The following CDH12 variants were observed in gnomAD, a reference collection of about 807,000 sequenced individuals.
CDH12 encodes cadherin-12.
Under a neutral mutation model 74.1 loss-of-function variants are expected in CDH12, and 41 were observed. That is an observed-to-expected ratio of 0.55 (90% CI 0.43 to 0.72). CDH12 has a LOEUF of 0.72. CDH12 is among the 30% of genes least tolerant of loss of function. The pLI, the probability that CDH12 is intolerant of heterozygous loss-of-function variation, is 0.00. For missense variants in CDH12, 945 were observed against 977.2 expected (o/e 0.97, Z 0.44); for synonymous variants, 399 against 355.0 (o/e 1.12, Z -1.39).
intron 2 of CDH12, among the ~76,000 whole-genome samples, chr5:22,473,290 A>T (rs1236451767): frequency 6.6e-6 from 1 of 152,082 alleles, no homozygotes; most frequent in Non-Finnish European, 1.5e-5. Context: ...ACTTACACTG[A>T]CTTATATTCT....
In CDH12 at chr5:22,380,945, C is replaced by T. The variant is rs756425995; in HGVS notation, c.-333+24312G>A. On this transcript the variant is annotated intron_variant, in intron 3 of 14. Transcript: ENST00000382254. Reference sequence around the variant, plus strand: ...TTTCAGCACAATAAATATATGTATACACCATGTAGATGAGATTCAAGAAAT... The same window carrying T: ...TTTCAGCACAATAAATATATGTATATACCATGTAGATGAGATTCAAGAAAT... Among the ~76,000 whole-genome samples, 17 of 152,124 alleles carry T rather than the reference C, an allele frequency of 1.1e-4. No homozygotes were observed. In the Middle Eastern group the frequency reaches 0.017, roughly 152 times the overall value.
rs537974778 is a variant in CDH12, at chr5:22,603,080, C to T, written c.-522-97716G>A. Among the ~76,000 whole-genome samples, 4 of 152,136 alleles carry T rather than the reference C, an allele frequency of 2.6e-5. No individual in the cohort carries two copies. The South Asian group carries it at 8.3e-4, about 32-fold the overall frequency. On this transcript the variant is annotated intron_variant, in intron 1 of 14. Coordinates refer to ENST00000382254, the MANE Select transcript of CDH12 (RefSeq NM_004061.5). ...TGACTAGATGAATATTCTGTCTGCC[C>T]ATGAATTAAAGGATTATAGATCATC...
At chr5:22,531,598 A>T (rs1737585255) in intron 1 of CDH12, among the ~76,000 whole-genome samples, 1 of 152,182 alleles carries the variant, frequency 6.6e-6, no homozygotes, top group Non-Finnish European at 1.5e-5. Context: ...AATGTATAAC[A>T]TATTATGCAG....
chr5:22,556,920 G>A (rs1239444324), intron 1 of CDH12, among the ~76,000 whole-genome samples: 1 of 151,956 alleles, frequency 6.6e-6, no homozygotes, highest in East Asian at 1.9e-4. Flanking sequence ...AATCTCTGTT[G>A]GAAGGTTGGA....
At chr5:22,189,614 C>T (rs1041403893) in intron 4 of CDH12, among the ~76,000 whole-genome samples, 29 of 151,878 alleles carry the variant, frequency 1.9e-4, no homozygotes, top group Non-Finnish European at 3.2e-4. Context: ...ATCAAGGAAA[C>T]GAAAGGAGCC....
chr5:22,137,412 C>G (rs1196577755), intron 4 of CDH12, among the ~76,000 whole-genome samples: 2 of 152,004 alleles, frequency 1.3e-5, no homozygotes, highest in South Asian at 2.1e-4. Context: ...CTCTCCCTCT[C>G]TCTGGATGCT....
intron 5 of CDH12, among the ~76,000 whole-genome samples, chr5:21,982,112 C>T (rs879636966): frequency 4.6e-5 from 7 of 152,220 alleles, no homozygotes; most frequent in East Asian, 1.9e-4. Context: ...GTATTTAAAT[C>T]GGTAGGCTGA....
chr5:22,532,350 G>T (rs74576850), intron 1 of CDH12, among the ~76,000 whole-genome samples: 4 of 27,556 alleles, frequency 1.5e-4, no homozygotes, highest in Admixed American at 6.6e-4. Flanking sequence ...ATATAAATAG[G>T]ATATATATAT....
intron 1 of CDH12, among the ~76,000 whole-genome samples, chr5:22,779,544 C>T (rs1228935167): frequency 6.6e-6 from 1 of 152,150 alleles, no homozygotes; most frequent in East Asian, 1.9e-4. Flanking sequence ...AACCAAATCT[C>T]ATCTAGAAAT....
chr5:22,836,761 C>T (rs1395373936), intron 1 of CDH12, among the ~76,000 whole-genome samples: 1 of 152,068 alleles, frequency 6.6e-6, no homozygotes, highest in East Asian at 1.9e-4. Context: ...ATTCTGAAAA[C>T]TAAGGGTAAC....
intron 1 of CDH12, among the ~76,000 whole-genome samples, chr5:22,660,841 A>G (rs1448708294): frequency 6.6e-6 from 1 of 152,196 alleles, no homozygotes. Context: ...ATGATTTGCA[A>G]TGATTTTAGC....
intron 4 of CDH12, among the ~76,000 whole-genome samples, chr5:22,205,935 A>G (rs1751191871): frequency 6.6e-6 from 1 of 152,058 alleles, no homozygotes; most frequent in South Asian, 2.1e-4. Flanking sequence ...TCTATGTCCA[A>G]AATGGTTATG....
chr5:22,623,370 A>T (rs1034668626), intron 1 of CDH12, among the ~76,000 whole-genome samples: 1 of 152,222 alleles, frequency 6.6e-6, no homozygotes, highest in Middle Eastern at 3.2e-3. Flanking sequence ...GAGGAAGTCA[A>T]ATTGTCCCTG....
At chr5:22,435,498 A>ATATG (rs372393263) in intron 2 of CDH12, among the ~76,000 whole-genome samples, 2 of 133,180 alleles carry the variant, frequency 1.5e-5, no homozygotes, top group Admixed American at 8.7e-5. Context: ...GTGTATATAT[A>ATATG]TGTGTGTGTG....
At chr5:21,765,770 T>C (rs1744989574) in intron 11 of CDH12, among the ~76,000 whole-genome samples, 1 of 152,100 alleles carries the variant, frequency 6.6e-6, no homozygotes, top group African/African-American at 2.4e-5. Context: ...CAAAATTCCA[T>C]CACAGGTTTT....
intron 1 of CDH12, among the ~76,000 whole-genome samples, chr5:22,819,588 T>G (rs1356087932): frequency 6.6e-6 from 1 of 151,874 alleles, no homozygotes; most frequent in African/African-American, 2.4e-5. Flanking sequence ...CATTTAATGT[T>G]GAAAGATATA....
chr5:22,366,058 A>G (rs1180454714), intron 3 of CDH12, among the ~76,000 whole-genome samples: 2 of 152,136 alleles, frequency 1.3e-5, no homozygotes, highest in African/African-American at 4.8e-5. Flanking sequence ...TCTCAGGTTC[A>G]AGTGATTCTC....
intron 6 of CDH12, among the ~76,000 whole-genome samples, chr5:21,877,837 A>G (rs1410827941): frequency 6.6e-6 from 1 of 152,234 alleles, no homozygotes; most frequent in African/African-American, 2.4e-5. Flanking sequence ...ATTACCAGAT[A>G]GAGCATGAGC....
chr5:21,878,549 T>C (rs1752056457), intron 6 of CDH12, among the ~76,000 whole-genome samples: 2 of 130,444 alleles, frequency 1.5e-5, no homozygotes, highest in South Asian at 2.4e-4. Context: ...GGCAACATGG[T>C]GCAACCCTGT....
Sources: allele counts gnomAD v4.1 joint callset (sites outside exome capture counted in the v4.1 genomes callset), GRCh38; gene constraint gnomAD v4.1.1; transcripts MANE v1.5; gene names NCBI Gene and HGNC (gene_info 2026-07-23, HGNC 2026-07-21).